PCDHA10: variants seen among roughly 807,000 people sequenced by gnomAD.
PCDHA10 encodes the protein protocadherin alpha 10.
Under a neutral mutation model 61.2 loss-of-function variants are expected in PCDHA10, and 45 were observed. That is an observed-to-expected ratio of 0.74 (90% CI 0.58 to 0.94). The LOEUF (loss-of-function observed/expected upper bound fraction) is 0.94, where lower values mean the gene tolerates loss of function less well. Among genes scored for constraint, PCDHA10 ranks in the 40% least tolerant of loss-of-function variants. The probability of loss-of-function intolerance (pLI) is 0.00; values close to 1 mark genes in which losing one functional copy is unlikely to be tolerated. For missense variants in PCDHA10, 1,278 were observed against 1,236.2 expected (o/e 1.03, Z -0.51); for synonymous variants, 602 against 548.8 (o/e 1.10, Z -1.35).
At chr5:140,997,563 A>G (rs891862395) in intron 3 of PCDHA10, among the ~76,000 whole-genome samples, 7 of 152,202 alleles carry the variant, frequency 4.6e-5, no homozygotes, top group Non-Finnish European at 8.8e-5. Context: ...GACAACTGTC[A>G]TATGTGTGGT....
chr5:140,969,177 A>C, intron 1 of PCDHA10: 2 of 1,614,086 alleles, frequency 1.2e-6, no homozygotes, highest in Non-Finnish European at 1.7e-6. Flanking sequence ...TCAGGGAGTG[A>C]CACTTTCATG....
intron 3 of PCDHA10, among the ~76,000 whole-genome samples, chr5:140,990,256 A>G (rs2153888367): frequency 6.6e-6 from 1 of 152,332 alleles, no homozygotes; most frequent in Middle Eastern, 3.4e-3. Flanking sequence ...TCTGCTGGAT[A>G]CCAAACAATG....
intron 1 of PCDHA10, chr5:140,861,911 G>A (rs1428528633): frequency 1.3e-5 from 2 of 154,368 alleles, no homozygotes; most frequent in East Asian, 1.9e-4. Context: ...ATATATCACA[G>A]CGCTGGATGT....
chr5:140,883,453 C>A lies in PCDHA10; in HGVS notation c.2388+25017C>A, dbSNP rs138388360. The stretch of plus-strand genomic sequence containing the variant: ...GCACCTTGACGCCGCATGTCCCCTT[C>A]AAGCTGGTGTCCACCTACAAGAACT... On this transcript the variant is annotated intron_variant, in intron 1 of 3. Transcript: ENST00000307360. 3.2e-5 allele frequency: 51 copies of A among 1,614,168 alleles called. No individual in the cohort carries two copies. In the East Asian group the frequency reaches 1.1e-3, roughly 35 times the overall value.
chr5:140,862,553 C>T (rs561370771), intron 1 of PCDHA10: 12 of 463,418 alleles, frequency 2.6e-5, no homozygotes, highest in Non-Finnish European at 4.4e-5. Context: ...AGTGGCCGAA[C>T]AGTGAACCAC....
At chr5:140,974,040 T>C (rs1554235767) in intron 1 of PCDHA10, among the ~76,000 whole-genome samples, 2 of 152,260 alleles carry the variant, frequency 1.3e-5, no homozygotes, top group African/African-American at 4.8e-5. Context: ...TTTAGCTTAT[T>C]AATATGATAA....
At chr5:140,940,028 G>T (rs782276273) in intron 1 of PCDHA10, among the ~76,000 whole-genome samples, 1 of 152,048 alleles carries the variant, frequency 6.6e-6, no homozygotes, top group African/African-American at 2.4e-5. Context: ...ATGTTTTAAG[G>T]CTATTTTATT....
intron 1 of PCDHA10, chr5:140,968,000 C>T: frequency 1.2e-6 from 2 of 1,614,234 alleles, no homozygotes; most frequent in Non-Finnish European, 8.5e-7. Context: ...GCCTTTCCGA[C>T]TGAATGGCTT....
At chr5:140,968,017 C>T (rs782195997) in intron 1 of PCDHA10, 2 of 1,614,216 alleles carry the variant, frequency 1.2e-6, no homozygotes, top group East Asian at 2.2e-5. Context: ...GCTTTGGAAA[C>T]TCCTATACAC....
intron 1 of PCDHA10, among the ~76,000 whole-genome samples, chr5:140,941,304 C>T (rs1477431460): frequency 4.7e-5 from 4 of 84,830 alleles, no homozygotes; most frequent in African/African-American, 8.5e-5. Flanking sequence ...TTCTTTCTTT[C>T]TTTTTCTTCT....
At chr5:140,863,858 G>A (rs2048210654) in intron 1 of PCDHA10, 1 of 177,150 alleles carries the variant, frequency 5.6e-6, no homozygotes, top group Non-Finnish European at 1.2e-5. Flanking sequence ...AAAATTAGCT[G>A]GGTGTGGTGG....
intron 1 of PCDHA10, chr5:140,969,617 A>G (rs2096348108): frequency 4.3e-6 from 3 of 705,552 alleles, no homozygotes; most frequent in Non-Finnish European, 6.8e-6. Context: ...ACAGATTTGT[A>G]GAGAAACAGG....
chr5:140,917,778 G>A (rs1271229686), intron 1 of PCDHA10, among the ~76,000 whole-genome samples: 4 of 152,218 alleles, frequency 2.6e-5, no homozygotes, highest in African/African-American at 9.6e-5. Flanking sequence ...TTAGTACCAT[G>A]TTGTTTTGGT....
chr5:140,877,511 C>T (rs1582389090), intron 1 of PCDHA10: 2 of 1,613,808 alleles, frequency 1.2e-6, no homozygotes, highest in Non-Finnish European at 1.7e-6. Context: ...AAGACGTCGT[C>T]GCGGGCCTCA....
At chr5:140,980,076 G>A (rs2096875671) in intron 2 of PCDHA10, among the ~76,000 whole-genome samples, 1 of 152,214 alleles carries the variant, frequency 6.6e-6, no homozygotes, top group South Asian at 2.1e-4. Flanking sequence ...AAGGGCTGAA[G>A]ATTAGTAGTT....
At chr5:140,877,304 T>C in intron 1 of PCDHA10, 3 of 1,613,926 alleles carry the variant, frequency 1.9e-6, no homozygotes, top group Non-Finnish European at 2.5e-6. Context: ...TCCTACGAGT[T>C]GCAACCGGCG....
At chr5:140,868,874 A>G (rs547590599) in intron 1 of PCDHA10, 25 of 646,974 alleles carry the variant, frequency 3.9e-5, no homozygotes, top group Middle Eastern at 8.7e-4. Flanking sequence ...AGTGCACAGT[A>G]CTCACAGTTT....
At chr5:140,948,245 A>G (rs1554218500) in intron 1 of PCDHA10, among the ~76,000 whole-genome samples, 2 of 151,606 alleles carry the variant, frequency 1.3e-5, no homozygotes, top group African/African-American at 4.8e-5. Flanking sequence ...TTTAGTAAAT[A>G]TTTTTACATC....
intron 1 of PCDHA10, 184 bp downstream of exon 1, chr5:140,858,620 C>G: frequency 1.8e-6 from 2 of 1,142,316 alleles, no homozygotes; most frequent in East Asian, 5.1e-5. Flanking sequence ...TTATCCTACC[C>G]AGTGTGTCAG....
Sources: allele counts gnomAD v4.1 joint callset (sites outside exome capture counted in the v4.1 genomes callset), GRCh38; gene constraint gnomAD v4.1.1; transcripts MANE v1.5; gene names NCBI Gene and HGNC (gene_info 2026-07-23, HGNC 2026-07-21).